The following DLG2 variants were observed in gnomAD, a reference collection of about 807,000 sequenced individuals.
DLG2 encodes discs large MAGUK scaffold protein 2.
In DLG2, 45 loss-of-function variants were observed where a neutral mutation model predicts 132.5. The observed-to-expected ratio is 0.34, with a 90% CI of 0.27 to 0.44. The LOEUF (loss-of-function observed/expected upper bound fraction) is 0.44. Ranked by LOEUF, DLG2 falls within the 20% of genes least tolerant of loss-of-function variation. The pLI is 1.00. For synonymous variants in DLG2, 424 were observed against 419.6 expected, an observed-to-expected ratio of 1.01 and a Z score of -0.13; for missense variants, 1,045 against 1,196.9, an observed-to-expected ratio of 0.87 and a Z score of 1.87.
At chr11:84,584,879 G>A (rs2099525813) in intron 6 of DLG2, among the ~76,000 whole-genome samples, 1 of 150,508 alleles carries the variant, frequency 6.6e-6, no homozygotes. Flanking sequence ...TAGTAGAGAC[G>A]GGGTTTCACC....
intron 3 of DLG2, among the ~76,000 whole-genome samples, chr11:85,541,384 C>A (rs2075960750): frequency 6.6e-6 from 1 of 151,690 alleles, no homozygotes; most frequent in Non-Finnish European, 1.5e-5. Context: ...TAGAAATAAG[C>A]AAGTCCAATT....
At chr11:84,456,567 T>C (rs975506370) in intron 7 of DLG2, among the ~76,000 whole-genome samples, 36 of 151,414 alleles carry the variant, frequency 2.4e-4, no homozygotes, top group African/African-American at 8.2e-4. Context: ...ACATACATTA[T>C]CTTCTCAGGT....
chr11:84,301,552 G>A (rs762033825), intron 7 of DLG2, among the ~76,000 whole-genome samples: 15 of 151,446 alleles, frequency 9.9e-5, no homozygotes, highest in South Asian at 8.3e-4. Flanking sequence ...CCAGCTACTC[G>A]GGAGGCTGAG....
At chr11:83,684,852 T>A (rs1281036947) in intron 18 of DLG2, among the ~76,000 whole-genome samples, 1 of 152,144 alleles carries the variant, frequency 6.6e-6, no homozygotes, top group Non-Finnish European at 1.5e-5. Context: ...TGAGTCATGA[T>A]AACTCTTATA....
At chr11:85,147,081 C>A (rs1178629979) in intron 5 of DLG2, among the ~76,000 whole-genome samples, 1 of 152,168 alleles carries the variant, frequency 6.6e-6, no homozygotes, top group Admixed American at 6.5e-5. Flanking sequence ...GAATACATGC[C>A]ATCGGTTGGG....
At chr11:84,670,720 T>C (rs1226219469) in intron 6 of DLG2, among the ~76,000 whole-genome samples, 2 of 152,192 alleles carry the variant, frequency 1.3e-5, no homozygotes, top group Non-Finnish European at 2.9e-5. Context: ...ACACAATGAC[T>C]GAGTGGGTAG....
At chr11:83,524,886 T>C (rs2095568353) in intron 21 of DLG2, among the ~76,000 whole-genome samples, 2 of 152,172 alleles carry the variant, frequency 1.3e-5, no homozygotes, top group Admixed American at 1.3e-4. Flanking sequence ...CTGAAATATA[T>C]TGTAAACATG....
intron 19 of DLG2, among the ~76,000 whole-genome samples, chr11:83,583,598 TC>T (rs2097022459): frequency 1.3e-5 from 2 of 152,364 alleles, no homozygotes; most frequent in African/African-American, 4.8e-5. Flanking sequence ...TGTCAGGGCT[TC>T]CTTTTTGGGT....
intron 10 of DLG2, among the ~76,000 whole-genome samples, chr11:84,092,574 C>T (rs1241711058): frequency 6.6e-5 from 10 of 152,096 alleles, no homozygotes; most frequent in African/African-American, 2.4e-4. Flanking sequence ...GGAGAAAGAA[C>T]AACTAAGACT....
chr11:84,293,871 A>G (rs2098046488), intron 7 of DLG2, among the ~76,000 whole-genome samples: 1 of 152,204 alleles, frequency 6.6e-6, no homozygotes, highest in African/African-American at 2.4e-5. Context: ...AAGGCAAGCT[A>G]AATTTCCCCA....
At chr11:83,917,746 A>C (rs1370025376) in intron 15 of DLG2, among the ~76,000 whole-genome samples, 1 of 152,178 alleles carries the variant, frequency 6.6e-6, no homozygotes, top group African/African-American at 2.4e-5. Flanking sequence ...GTAAATACCC[A>C]CCACTTGTCA....
intron 7 of DLG2, among the ~76,000 whole-genome samples, chr11:84,402,541 T>C (rs1231325846): frequency 6.6e-6 from 1 of 151,772 alleles, no homozygotes; most frequent in African/African-American, 2.4e-5. Flanking sequence ...TCATGATTAG[T>C]CCTTCATGTC....
chr11:85,429,287 C>T (rs928520829), intron 3 of DLG2, among the ~76,000 whole-genome samples: 1 of 152,282 alleles, frequency 6.6e-6, no homozygotes, highest in East Asian at 1.9e-4. Context: ...AGACCAGCAT[C>T]ATCCTGTTAC....
Position 84,228,128 on chromosome 11 carries a change from T to G in DLG2, c.573+23110A>C, listed in dbSNP as rs146694844. Among the ~76,000 whole-genome samples the G allele has an allele frequency of 4.2e-3, 640 of 152,252 alleles. 6 individuals are homozygous for G. The highest frequency in any genetic ancestry group is 5.4e-3 in the Non-Finnish European group (365 of 68,020). ...TGCATCACTGACATGATGGACTCTC[T>G]TATTTCCCTAATGCCCTTAACTATC... On this transcript the variant is annotated intron_variant, in intron 8 of 27. Transcript: ENST00000376104.
At position 85,550,335 on chromosome 11, in the gene DLG2, G is replaced by C. The variant is rs139701827; in HGVS notation, c.40+48322C>G. ...AAAGAGCACTGTATCACATCACCTG[G>C]GGCTTTGGGAGCTGCAGGCACCCCA... On this transcript the variant is annotated intron_variant, in intron 3 of 27. Coordinates refer to ENST00000376104, the MANE Select transcript of DLG2 (RefSeq NM_001142699.3). Among the ~76,000 whole-genome samples the C allele has an allele frequency of 8.5e-3, 1,301 of 152,346 alleles. 19 individuals carry two copies. The highest frequency in any genetic ancestry group is 0.03 in the African/African-American group (1,266 of 41,578).
At chr11:85,132,677 C>T (rs2075816091) in intron 5 of DLG2, 1 of 454,972 alleles carries the variant, frequency 2.2e-6, no homozygotes, top group Non-Finnish European at 4.4e-6. Flanking sequence ...CTCTCATGAA[C>T]TGGCAGCACC....
At chr11:85,201,832 C>T (rs959669297) in intron 4 of DLG2, among the ~76,000 whole-genome samples, 1 of 148,910 alleles carries the variant, frequency 6.7e-6, no homozygotes, top group Non-Finnish European at 1.5e-5. Context: ...CAAGGAAGCT[C>T]AATGAACTTC....
At chr11:85,392,454 A>G (rs955823808) in intron 3 of DLG2, among the ~76,000 whole-genome samples, 1 of 152,078 alleles carries the variant, frequency 6.6e-6, no homozygotes, top group Non-Finnish European at 1.5e-5. Flanking sequence ...TAAAATTCAT[A>G]TGGAACCAAA....
intron 7 of DLG2, among the ~76,000 whole-genome samples, chr11:84,363,620 C>T (rs956714316): frequency 1.3e-5 from 2 of 151,632 alleles, no homozygotes; most frequent in Non-Finnish European, 1.5e-5. Context: ...CCTAGGTTTT[C>T]TTCTAGGGTT....
Sources: gnomAD v4.1 joint callset for allele counts (sites outside exome capture counted in the v4.1 genomes callset) on GRCh38, gnomAD v4.1.1 for gene constraint, MANE v1.5 for transcripts, NCBI Gene and HGNC (gene_info 2026-07-23, HGNC 2026-07-21) for gene names.